Variants in JMJD1C observed in about 807,000 individuals in gnomAD.
The protein encoded by JMJD1C is jumonji domain-containing protein 1C.
A neutral mutation model predicts 245.3 loss-of-function variants in JMJD1C; 31 were observed. That is an observed-to-expected ratio of 0.13 (90% CI 0.09 to 0.17). The LOEUF is 0.17. JMJD1C is among the 10% of genes least tolerant of loss of function. The pLI is 1.00. For synonymous variants in JMJD1C, 1,057 were observed against 1,017.4 expected (o/e 1.04, Z -0.74); for missense variants, 2,691 against 3,000.2 (o/e 0.90, Z 2.41).
intron 2 of JMJD1C, chr10:63,359,171 T>C (rs541256022): frequency 1.3e-5 from 2 of 152,506 alleles, no homozygotes; most frequent in East Asian, 1.9e-4. Context: ...TTTGTTTTAG[T>C]ATCATCTTAG....
At chr10:63,416,243 A>G (rs891517458) in intron 1 of JMJD1C, among the ~76,000 whole-genome samples, 1 of 152,188 alleles carries the variant, frequency 6.6e-6, no homozygotes. Context: ...ATCATGGAAA[A>G]AATAACACAC....
At chr10:63,178,898 A>T (rs572939371) in intron 22 of JMJD1C, among the ~76,000 whole-genome samples, 27 of 152,344 alleles carry the variant, frequency 1.8e-4, no homozygotes, top group African/African-American at 6.3e-4. Context: ...CTTTTTAAAA[A>T]TTTTGTATAA....
Position 63,183,347 on chromosome 10 carries a change from A to T in JMJD1C, c.7084+100T>A, listed in dbSNP as rs1843716411. ...CCTACATCCATTGCAATTCTTTTTGAAATCTTCGCTGTTAACTCAGAAGCT... is the reference window on the plus strand; with the variant it reads ...CCTACATCCATTGCAATTCTTTTTGTAATCTTCGCTGTTAACTCAGAAGCT... On this transcript the variant is annotated intron_variant, in intron 22 of 25. Transcript: ENST00000399262. 5 of 1,083,012 alleles carry T rather than the reference A, an allele frequency of 4.6e-6. No homozygotes were observed. The South Asian group carries it at 6.7e-5, about 15-fold the overall frequency. The allele number at this position is 1,083,012 out of a possible 1,614,324, so 67.1% of individuals were successfully genotyped here.
upstream of JMJD1C, among the ~76,000 whole-genome samples, chr10:63,467,835 T>C (rs1356396325): frequency 6.6e-6 from 1 of 152,186 alleles, no homozygotes; most frequent in Non-Finnish European, 1.5e-5. Flanking sequence ...ATGATGCAAT[T>C]GTAAAAATGC....
chr10:63,357,840 C>G (rs1471470408), intron 2 of JMJD1C, among the ~76,000 whole-genome samples: 1 of 146,720 alleles, frequency 6.8e-6, no homozygotes, highest in Non-Finnish European at 1.5e-5. Flanking sequence ...CACACACACA[C>G]ACACACACAC....
chr10:63,309,662 T>C (rs1041368490), intron 2 of JMJD1C, among the ~76,000 whole-genome samples: 1 of 152,136 alleles, frequency 6.6e-6, no homozygotes. Flanking sequence ...CTCATGCCTG[T>C]AATCCCAGCA....
intron 3 of JMJD1C, among the ~76,000 whole-genome samples, chr10:63,263,587 G>A (rs548371311): frequency 6.6e-6 from 1 of 152,206 alleles, no homozygotes; most frequent in South Asian, 2.1e-4. Flanking sequence ...TAAAACATCT[G>A]AGTAAAAAGA....
At chr10:63,435,621 C>T (rs1042851173) in intron 1 of JMJD1C, among the ~76,000 whole-genome samples, 11 of 152,080 alleles carry the variant, frequency 7.2e-5, no homozygotes, top group African/African-American at 2.2e-4. Flanking sequence ...GTGACAATGC[C>T]GGGCGCAGTG....
intron 1 of JMJD1C, among the ~76,000 whole-genome samples, chr10:63,455,947 T>A (rs563570419): frequency 1.9e-4 from 29 of 152,274 alleles, no homozygotes; most frequent in South Asian, 4.1e-4. Flanking sequence ...TTTAATGCAA[T>A]ATTATATTAA....
chr10:63,469,574 A>C (rs1953423632), upstream of JMJD1C, among the ~76,000 whole-genome samples: 1 of 152,186 alleles, frequency 6.6e-6, no homozygotes, highest in Non-Finnish European at 1.5e-5. Context: ...GGTTCTGGAG[A>C]TAGGACCTTT....
Position 63,250,887 on chromosome 10 carries a change from CATG to C in JMJD1C, c.447+13761_447+13763del, listed in dbSNP as rs543010018. ...TCCCAAGTAGCTGGGACTACAGGTG[CATG>C]GCACCACATGTGGCTAAATTTTTAT... On this transcript the variant is annotated intron_variant, in intron 3 of 25. Coordinates refer to ENST00000399262, the MANE Select transcript of JMJD1C (RefSeq NM_032776.3). Among the ~76,000 whole-genome samples the C allele has an allele frequency of 5.9e-5, 9 of 152,254 alleles. No homozygotes were observed. In the South Asian group the frequency reaches 1.9e-3, roughly 32 times the overall value.
chr10:63,213,957 G>A lies in JMJD1C; in HGVS notation c.2210C>T (p.Pro737Leu). The A allele has an allele frequency of 6.2e-7, 1 of 1,613,952 alleles. No homozygotes were observed. Among genetic ancestry groups the A allele is most frequent in the Non-Finnish European group, 8.5e-7 (1 of 1,179,972 alleles). ...ATGAGATGAGGAGTGAAGAGGAAAA[G>A]GATGCTGGCTTAGGAAAGGTGAAAT... ...NHISPFLSQH[P>L]FPLHSSSHRT... Residue 737 changes from proline (P) to leucine (L), a missense_variant, in exon 8 of 26, where the codon CCT (proline) becomes CTT (leucine). Transcript: ENST00000399262.
chr10:63,275,563 A>T (rs1457942182), intron 2 of JMJD1C, among the ~76,000 whole-genome samples: 1 of 152,220 alleles, frequency 6.6e-6, no homozygotes, highest in Non-Finnish European at 1.5e-5. Context: ...CAATATTTGG[A>T]AGAAAGAAAA....
chr10:63,457,011 C>CTACTT (rs751841878), intron 1 of JMJD1C, among the ~76,000 whole-genome samples: 1 of 152,140 alleles, frequency 6.6e-6, no homozygotes, highest in African/African-American at 2.4e-5. Context: ...GAGCAGCAGA[C>CTACTT]TACTTGTGTT....
chr10:63,320,185 A>C (rs553814151), intron 2 of JMJD1C, among the ~76,000 whole-genome samples: 1 of 152,250 alleles, frequency 6.6e-6, no homozygotes, highest in Non-Finnish European at 1.5e-5. Context: ...GGATTACAGG[A>C]GTGAACCACC....
chr10:63,237,174 A>C (rs1850836670), intron 3 of JMJD1C, among the ~76,000 whole-genome samples: 1 of 152,140 alleles, frequency 6.6e-6, no homozygotes, highest in Admixed American at 6.5e-5. Flanking sequence ...AGTAGCTGGG[A>C]TTACAGGTGC....
chr10:63,254,762 C>T (rs1853620507), intron 3 of JMJD1C, among the ~76,000 whole-genome samples: 1 of 151,970 alleles, frequency 6.6e-6, no homozygotes, highest in Admixed American at 6.6e-5. Context: ...GCTGCTCAGG[C>T]TGGTCTCGAG....
chr10:63,458,604 C>T lies in JMJD1C; in HGVS notation c.168+6891G>A, dbSNP rs568360101. The stretch of plus-strand genomic sequence containing the variant: ...TTAGCAGTATTTGTTGCCATTAAAT[C>T]TACACCACCAAAAATCGTATTAGTA... On this transcript the variant is annotated intron_variant, in intron 1 of 25. Transcript: ENST00000399262. Among the ~76,000 whole-genome samples the T allele has an allele frequency of 3.9e-5, 6 of 152,206 alleles. No homozygotes were observed. The East Asian group carries it at 1.2e-3, about 29-fold the overall frequency.
At chr10:63,378,997 T>C (rs1202495809) in intron 2 of JMJD1C, among the ~76,000 whole-genome samples, 1 of 152,198 alleles carries the variant, frequency 6.6e-6, no homozygotes, top group African/African-American at 2.4e-5. Context: ...TTTTTAAAAA[T>C]GCCACTGATT....
Sources: gnomAD v4.1 joint callset for allele counts (sites outside exome capture counted in the v4.1 genomes callset) on GRCh38, gnomAD v4.1.1 for gene constraint, MANE v1.5 for transcripts, NCBI Gene and HGNC (gene_info 2026-07-23, HGNC 2026-07-21) for gene names.